NFATC1: variants seen among roughly 807,000 people sequenced by gnomAD.
The protein encoded by NFATC1 is nuclear factor of activated T cells 1.
In NFATC1, 22 loss-of-function variants were observed where a neutral mutation model predicts 76.0. The observed-to-expected ratio is 0.29, with a 90% CI of 0.21 to 0.41. The LOEUF (loss-of-function observed/expected upper bound fraction) is 0.41, where lower values mean the gene tolerates loss of function less well. Ranked by LOEUF, NFATC1 falls within the 10% of genes least tolerant of loss-of-function variation. The pLI is 1.00. For missense variants in NFATC1, 1,357 were observed against 1,337.7 expected (o/e 1.01, Z -0.23); for synonymous variants, 704 against 613.1 (o/e 1.15, Z -2.19).
At chr18:79,413,774 A>G (rs2085780582) in intron 2 of NFATC1, among the ~76,000 whole-genome samples, 1 of 152,182 alleles carries the variant, frequency 6.6e-6, no homozygotes, top group Non-Finnish European at 1.5e-5. Context: ...GTGTTCTGGC[A>G]GGCACAGCCC....
At chr18:79,494,893 A>G (rs1300885844) in intron 9 of NFATC1, among the ~76,000 whole-genome samples, 9 of 111,974 alleles carry the variant, frequency 8.0e-5, no homozygotes, top group South Asian at 3.2e-4. Context: ...GCCCCCCATG[A>G]ACCTGGTACC....
chr18:79,463,301 G>A (rs1348931402), intron 7 of NFATC1, among the ~76,000 whole-genome samples: 1 of 152,210 alleles, frequency 6.6e-6, no homozygotes, highest in East Asian at 1.9e-4. Flanking sequence ...GGGCAGGCCA[G>A]TGTTCAGAGG....
At chr18:79,487,866 G>A (rs953032746) in intron 9 of NFATC1, among the ~76,000 whole-genome samples, 5 of 152,192 alleles carry the variant, frequency 3.3e-5, no homozygotes, top group East Asian at 1.9e-4. Flanking sequence ...GTTAGAGGGC[G>A]ATTCCGCTCG....
chr18:79,515,889 G>A (rs1279563318), intron 9 of NFATC1: 2 of 152,080 alleles, frequency 1.3e-5, no homozygotes, highest in East Asian at 3.9e-4. Context: ...GTAGAACAAA[G>A]AAAGCCCTGG....
At chr18:79,448,735 G>C (rs778301024) in intron 3 of NFATC1, 47 bp from the exon 4 acceptor site, 6 of 1,581,824 alleles carry the variant, frequency 3.8e-6, no homozygotes, top group Non-Finnish European at 4.3e-6. Flanking sequence ...GACTCCCGGC[G>C]GTCTGTGCTC....
At chr18:79,514,716 T>C (rs748806209) in intron 9 of NFATC1, among the ~76,000 whole-genome samples, 25 of 151,484 alleles carry the variant, frequency 1.7e-4, no homozygotes, top group Non-Finnish European at 2.9e-5. Flanking sequence ...GATTCTCTGG[T>C]AAGAGGAAGA....
Position 79,416,840 on chromosome 18 carries a change from C to T in NFATC1, c.1226+5339C>T, listed in dbSNP as rs140227203. Among the ~76,000 whole-genome samples, 131 of 152,328 alleles carry T rather than the reference C, an allele frequency of 8.6e-4. 1 individual carries two copies. Among genetic ancestry groups the T allele is most frequent in the African/African-American group, 3.0e-3 (126 of 41,586 alleles). On this transcript the variant is annotated intron_variant, in intron 2 of 9. Coordinates refer to ENST00000427363, the MANE Select transcript of NFATC1 (RefSeq NM_001278669.2). ...TGGGGAGTCCCCCGCACAACCTGTC[C>T]TGCTGTTTCCTGCTGTTTCTGGAGC...
At chr18:79,418,513 T>C (rs962990271) in intron 2 of NFATC1, among the ~76,000 whole-genome samples, 5 of 152,158 alleles carry the variant, frequency 3.3e-5, no homozygotes, top group African/African-American at 1.2e-4. Context: ...GGCCTTCTGC[T>C]CTCGTCACCA....
At chr18:79,484,155 G>T (rs1227872303) in intron 8 of NFATC1, among the ~76,000 whole-genome samples, 1 of 152,002 alleles carries the variant, frequency 6.6e-6, no homozygotes, top group African/African-American at 2.4e-5. Context: ...CCCCTGCCCT[G>T]GGCACCACTG....
chr18:79,436,068 A>G (rs2086763655), intron 3 of NFATC1, among the ~76,000 whole-genome samples: 1 of 152,226 alleles, frequency 6.6e-6, no homozygotes, highest in Admixed American at 6.5e-5. Flanking sequence ...ATTGGATAAA[A>G]ATAGAATTTG....
chr18:79,510,077 C>T lies in NFATC1; in HGVS notation c.2783-17451C>T, dbSNP rs141668786. ...CATATTTTAAGGCTTCTTCAGAAACCAAATTTAGGAAAACAGAAGAAATTA... is the reference window on the plus strand; with the variant it reads ...CATATTTTAAGGCTTCTTCAGAAACTAAATTTAGGAAAACAGAAGAAATTA... On this transcript the variant is annotated intron_variant, in intron 9 of 9. Coordinates refer to ENST00000427363, the MANE Select transcript of NFATC1 (RefSeq NM_001278669.2). Among the ~76,000 whole-genome samples, 656 of 152,274 alleles carry T rather than the reference C, an allele frequency of 4.3e-3. 4 individuals are homozygous for T. Among genetic ancestry groups the T allele is most frequent in the African/African-American group, 0.015 (626 of 41,554 alleles).
rs1196698995 is a variant in NFATC1, at chr18:79,520,723, G to T, written c.2783-6805G>T. Among the ~76,000 whole-genome samples, 27 of 72,424 alleles carry T rather than the reference G, an allele frequency of 3.7e-4. 1 individual carries two copies. The highest frequency in any genetic ancestry group is 6.2e-4 in the Non-Finnish European group (23 of 37,352). The allele number at this position is 72,424 out of a possible 152,430, so 47.5% of individuals were successfully genotyped here. On this transcript the variant is annotated intron_variant, in intron 9 of 9. Coordinates refer to ENST00000427363, the MANE Select transcript of NFATC1 (RefSeq NM_001278669.2). ...CACTGATATGTGTGTGTGGGGGGGG[G>T]GCATCCACTGATGTGTGTGTCTGTG...
Position 79,396,091 on chromosome 18 carries a change from G to A in NFATC1, c.-134G>A, listed in dbSNP as rs146292734. 5 of 1,109,726 alleles carry A rather than the reference G, an allele frequency of 4.5e-6. No individual in the cohort carries two copies. The allele number at this position is 1,109,726 out of a possible 1,614,324, so 68.7% of individuals were successfully genotyped here. On this transcript the variant is annotated 5_prime_UTR_variant, in exon 1 of 10. The change abolishes an upstream ATG in the 5' untranslated region. Coordinates refer to ENST00000427363, the MANE Select transcript of NFATC1 (RefSeq NM_001278669.2). ...GCCACGCGCGCACACGCCCCTCGAT[G>A]ACTTTCCTCCGGGGCGCGCGGCGCT...
rs1420284482 is a variant in NFATC1, at chr18:79,458,408, C to T, written c.1904-2903C>T. On this transcript the variant is annotated intron_variant, in intron 6 of 9. Transcript: ENST00000427363. ...GACCCAGGGACGCTGCTGCTTCCAC[C>T]AGCGGCCCTCGTGGCTTTCTTTGTG... Among the ~76,000 whole-genome samples, 3 of 152,122 alleles carry T rather than the reference C, an allele frequency of 2.0e-5. No homozygotes were observed. In the East Asian group the frequency reaches 5.8e-4, roughly 29 times the overall value.
At chr18:79,400,348 C>A (rs1238721658) in intron 1 of NFATC1, 5 of 1,396,814 alleles carry the variant, frequency 3.6e-6, no homozygotes, top group Admixed American at 6.0e-5. Context: ...GAACCCCTGG[C>A]GGCCGCGACC....
intron 9 of NFATC1, among the ~76,000 whole-genome samples, chr18:79,514,422 A>G (rs375326866): frequency 1.4e-4 from 21 of 151,696 alleles, no homozygotes; most frequent in African/African-American, 4.8e-4. Context: ...CAAAAATACA[A>G]AAATTAGCCA....
intron 3 of NFATC1, among the ~76,000 whole-genome samples, chr18:79,444,043 G>T (rs998911061): frequency 8.5e-5 from 13 of 152,334 alleles, no homozygotes; most frequent in Non-Finnish European, 1.8e-4. Flanking sequence ...GTTCCTGGAG[G>T]CCTCTCTCAT....
At chr18:79,443,052 G>C (rs1276847604) in intron 3 of NFATC1, among the ~76,000 whole-genome samples, 1 of 152,206 alleles carries the variant, frequency 6.6e-6, no homozygotes, top group Non-Finnish European at 1.5e-5. Flanking sequence ...GGTCAGGACT[G>C]AGCCTGTGGC....
intron 9 of NFATC1, among the ~76,000 whole-genome samples, chr18:79,493,170 A>T (rs1435578189): frequency 1.3e-5 from 2 of 152,164 alleles, no homozygotes; most frequent in East Asian, 3.9e-4. Flanking sequence ...CTCCTTTTCT[A>T]ATGTGATCTC....
Sources: allele counts gnomAD v4.1 joint callset (sites outside exome capture counted in the v4.1 genomes callset), GRCh38; gene constraint gnomAD v4.1.1; transcripts MANE v1.5; gene names NCBI Gene and HGNC (gene_info 2026-07-23, HGNC 2026-07-21).